CHL1: variants seen among roughly 807,000 people sequenced by gnomAD.
The protein encoded by CHL1 is cell adhesion molecule L1 like.
A neutral mutation model predicts 141.9 loss-of-function variants in CHL1; 96 were observed. That is an observed-to-expected ratio of 0.68 (90% confidence interval 0.57 to 0.80). CHL1 has a LOEUF of 0.80. CHL1 is among the 30% of genes least tolerant of loss of function. The pLI is 0.00. For missense variants in CHL1, 1,820 were observed against 1,457.2 expected (o/e 1.25, Z -4.05); for synonymous variants, 613 against 502.2 (o/e 1.22, Z -2.95).
intron 10 of CHL1, among the ~76,000 whole-genome samples, chr3:350,882 G>A (rs998666109): frequency 1.3e-5 from 2 of 152,132 alleles, no homozygotes; most frequent in African/African-American, 4.8e-5. Context: ...AGAAATTCAA[G>A]GAAGAAGAGT....
intron 2 of CHL1, chr3:308,698 C>T (rs1699465300): frequency 1.3e-5 from 2 of 151,796 alleles, no homozygotes; most frequent in South Asian, 4.1e-4. Flanking sequence ...TGAGCTGAGA[C>T]AGGAAGGAGG....
intron 8 of CHL1, 55 bp from the exon 9 acceptor site, chr3:344,534 G>A (rs1398025713): frequency 7.2e-7 from 1 of 1,395,378 alleles, no homozygotes; most frequent in Non-Finnish European, 9.9e-7. Context: ...TGGTGTCACA[G>A]AATTTTATGT....
At chr3:233,368 C>A (rs1043214815) in intron 1 of CHL1, among the ~76,000 whole-genome samples, 1 of 152,120 alleles carries the variant, frequency 6.6e-6, no homozygotes, top group Non-Finnish European at 1.5e-5. Context: ...ATACCAGCCC[C>A]CAACCCCAAC....
At chr3:371,354 A>G (rs762834540) in intron 15 of CHL1, among the ~76,000 whole-genome samples, 6 of 152,100 alleles carry the variant, frequency 3.9e-5, no homozygotes, top group African/African-American at 1.4e-4. Flanking sequence ...CTTTACCACT[A>G]TGTAATGCCC....
chr3:387,329 G>C (rs1707830117), intron 19 of CHL1, among the ~76,000 whole-genome samples: 1 of 152,158 alleles, frequency 6.6e-6, no homozygotes, highest in African/African-American at 2.4e-5. Context: ...GAGGCAGAGG[G>C]AAGGGAAGGC....
At chr3:370,581 G>A (rs1705504291) in intron 15 of CHL1, among the ~76,000 whole-genome samples, 1 of 148,526 alleles carries the variant, frequency 6.7e-6, no homozygotes, top group Non-Finnish European at 1.5e-5. Flanking sequence ...TTTTTTGGAG[G>A]GTTTTTCATA....
intron 15 of CHL1, among the ~76,000 whole-genome samples, chr3:372,424 AT>A (rs1705755677): frequency 1.3e-5 from 2 of 152,064 alleles, no homozygotes; most frequent in Non-Finnish European, 2.9e-5. Flanking sequence ...TGTATGCTTC[AT>A]GAAGTTCTCC....
At chr3:205,152 G>A (rs11718250) in intron 1 of CHL1, among the ~76,000 whole-genome samples, 10,463 of 147,700 alleles carry the variant, frequency 0.071, 495 homozygotes, top group Middle Eastern at 0.18. Flanking sequence ...GCCCAGGCTG[G>A]AGCGCTGGAG....
At chr3:353,655 C>A (rs2125221955) in intron 10 of CHL1, among the ~76,000 whole-genome samples, 1 of 152,266 alleles carries the variant, frequency 6.6e-6, no homozygotes, top group East Asian at 1.9e-4. Flanking sequence ...TTACATAATC[C>A]TCTTTTTCTT....
rs1044972919 is a variant in CHL1 at position 319,785 on chromosome 3, G to A, written c.9G>A (p.Pro3=). ME[P]LLLGRGLIVY... ...CTTCTTCCTGAAGAGCAATGGAGCC[G>A]CTTTTACTTGGAAGAGGACTAATCG... Residue 3 remains proline, a synonymous_variant, in exon 3 of 28, where the codon CCG becomes CCA. Coordinates refer to ENST00000256509, the MANE Select transcript of CHL1 (RefSeq NM_006614.4). 21 of 1,604,564 alleles carry A rather than the reference G, an allele frequency of 1.3e-5. No individual in the cohort carries two copies. The highest frequency in any genetic ancestry group is 1.7e-4 in the Middle Eastern group (1 of 6,042).
At chr3:260,827 A>G (rs1308412865) in intron 2 of CHL1, among the ~76,000 whole-genome samples, 1 of 152,236 alleles carries the variant, frequency 6.6e-6, no homozygotes, top group African/African-American at 2.4e-5. Context: ...AACAAATAAG[A>G]TTAAGGAAGC....
intron 2 of CHL1, among the ~76,000 whole-genome samples, chr3:317,065 G>T (rs968416849): frequency 1.3e-5 from 2 of 151,980 alleles, no homozygotes; most frequent in Non-Finnish European, 1.5e-5. Context: ...TTACTTGAAC[G>T]GGGTCACATT....
intron 2 of CHL1, among the ~76,000 whole-genome samples, chr3:304,778 G>C (rs946477397): frequency 2.6e-5 from 4 of 151,970 alleles, no homozygotes; most frequent in Non-Finnish European, 5.9e-5. Context: ...CATGTCTTTT[G>C]CTAGCTTTTG....
At chr3:339,012 T>A (rs1702155178) in intron 5 of CHL1, among the ~76,000 whole-genome samples, 1 of 152,190 alleles carries the variant, frequency 6.6e-6, no homozygotes, top group African/African-American at 2.4e-5. Context: ...TATTAGGGAC[T>A]GTATAGTTTG....
At chr3:262,397 A>C (rs113806156) in intron 2 of CHL1, among the ~76,000 whole-genome samples, 6 of 78,444 alleles carry the variant, frequency 7.6e-5, no homozygotes, top group Middle Eastern at 6.8e-3. Flanking sequence ...CACAGTACTC[A>C]CAGGGCAGGA....
intron 26 of CHL1, among the ~76,000 whole-genome samples, chr3:401,089 A>G (rs959973584): frequency 2.0e-5 from 3 of 151,902 alleles, no homozygotes; most frequent in African/African-American, 4.8e-5. Flanking sequence ...TTTAATAGAG[A>G]CAGGGTCTTG....
At chr3:322,646 ATATAT>A (rs1243634063) in intron 3 of CHL1, among the ~76,000 whole-genome samples, 1 of 27,252 alleles carries the variant, frequency 3.7e-5, no homozygotes, top group Non-Finnish European at 6.4e-5. Flanking sequence ...TATATATAAA[ATATAT>A]ATATATATAT....
intron 2 of CHL1, among the ~76,000 whole-genome samples, chr3:318,497 A>G (rs921612441): frequency 4.6e-5 from 7 of 151,906 alleles, no homozygotes; most frequent in Non-Finnish European, 7.4e-5. Context: ...TAGACAATGT[A>G]TAAACAATGT....
chr3:371,407 G>A (rs763110041), intron 15 of CHL1, among the ~76,000 whole-genome samples: 13 of 151,944 alleles, frequency 8.6e-5, no homozygotes, highest in Admixed American at 1.3e-4. Flanking sequence ...AGTTTGTTTT[G>A]TCAGAGACTA....
Sources: gnomAD v4.1 joint callset for allele counts (sites outside exome capture counted in the v4.1 genomes callset) on GRCh38, gnomAD v4.1.1 for gene constraint, MANE v1.5 for transcripts, NCBI Gene and HGNC (gene_info 2026-07-23, HGNC 2026-07-21) for gene names.